Variants in DLGAP4 observed in about 807,000 individuals in gnomAD.
DLGAP4 encodes the protein disks large-associated protein 4.
A neutral mutation model predicts 86.9 loss-of-function variants in DLGAP4; 18 were observed. That is an observed-to-expected ratio of 0.21 (90% confidence interval 0.14 to 0.31). DLGAP4 has a LOEUF of 0.31. Ranked by LOEUF, DLGAP4 falls within the 10% of genes least tolerant of loss-of-function variation. DLGAP4 has a pLI of 1.00. For synonymous variants in DLGAP4, 548 were observed against 574.3 expected (o/e 0.95, Z 0.65); for missense variants, 1,085 against 1,362.6 (o/e 0.80, Z 3.21).
intron 1 of DLGAP4, among the ~76,000 whole-genome samples, chr20:36,311,195 C>T (rs2065049832): frequency 6.8e-6 from 1 of 146,762 alleles, no homozygotes; most frequent in Admixed American, 6.7e-5. Context: ...AACTGAGGCT[C>T]AGAGTGGTTG....
At chr20:36,450,843 C>A (rs2033718696) in intron 7 of DLGAP4, among the ~76,000 whole-genome samples, 1 of 152,182 alleles carries the variant, frequency 6.6e-6, no homozygotes, top group Non-Finnish European at 1.5e-5. Context: ...TGATCCATGG[C>A]AATTCTGAAG....
At chr20:36,415,269 G>C (rs1023277738) in intron 2 of DLGAP4, among the ~76,000 whole-genome samples, 1 of 151,702 alleles carries the variant, frequency 6.6e-6, no homozygotes, top group Admixed American at 6.6e-5. Context: ...TGTCTCAAAA[G>C]AAAACAAAAC....
Position 36,405,781 on chromosome 20 carries a change from A to G in DLGAP4, c.-72-25865A>G, listed in dbSNP as rs143488474. Among the ~76,000 whole-genome samples the G allele has an allele frequency of 1.5e-3, 235 of 152,172 alleles. 2 individuals are homozygous for G. The highest frequency in any genetic ancestry group is 5.3e-3 in the African/African-American group (218 of 41,512). On this transcript the variant is annotated intron_variant, in intron 2 of 12. Transcript: ENST00000339266. ...GAGAGGGTGGAGTGAGGGCACCCCAATGGTGACACACCCATGTTAGGACAT... is the reference window on the plus strand; with the variant it reads ...GAGAGGGTGGAGTGAGGGCACCCCAGTGGTGACACACCCATGTTAGGACAT...
intron 1 of DLGAP4, among the ~76,000 whole-genome samples, chr20:36,331,886 G>T (rs1363038710): frequency 6.6e-6 from 1 of 152,174 alleles, no homozygotes; most frequent in Non-Finnish European, 1.5e-5. Flanking sequence ...AGTCTTTTGA[G>T]GATCTGGGAT....
At chr20:36,408,737 A>G (rs2032398283) in intron 2 of DLGAP4, among the ~76,000 whole-genome samples, 1 of 152,250 alleles carries the variant, frequency 6.6e-6, no homozygotes, top group Non-Finnish European at 1.5e-5. Context: ...GCAGCTTATT[A>G]TATTTTAAAA....
rs1480434345 is a variant in DLGAP4, at chr20:36,525,236, AAAAAAAAAAAAAAAAAAACAAAG to A, written c.2605-611_2605-589del. 4.8e-3 allele frequency among the ~76,000 whole-genome samples: 635 copies of A among 132,294 alleles called. 5 individuals are homozygous for A. Among genetic ancestry groups the A allele is most frequent in the Non-Finnish European group, 7.3e-3 (457 of 62,858 alleles). 86.8% of individuals were successfully genotyped at this position (132,294 alleles called of 152,430 possible). A position where few individuals can be genotyped will look rare whatever the true frequency, so the allele number is the denominator to read the frequency against. On this transcript the variant is annotated intron_variant, in intron 11 of 12. Transcript: ENST00000339266. ...CGTCTCAAAAAAAAAAAAAAAAAAA[AAAAAAAAAAAAAAAAAAACAAAG>A]AAATCCCACTGCTGGGATTGGTGGC...
intron 7 of DLGAP4, among the ~76,000 whole-genome samples, chr20:36,474,894 C>T (rs965480577): frequency 1.3e-5 from 2 of 152,202 alleles, no homozygotes; most frequent in Admixed American, 1.3e-4. Context: ...TGACTTCCCT[C>T]CAGCTTGGAG....
intron 10 of DLGAP4, among the ~76,000 whole-genome samples, chr20:36,521,252 C>T (rs151260406): frequency 6.6e-6 from 1 of 152,214 alleles, no homozygotes; most frequent in African/African-American, 2.4e-5. Context: ...TGAGCCTCCA[C>T]GTTCATAACC....
rs754089022 is a variant in DLGAP4 at position 36,454,581 on chromosome 20, C to A, written c.1648+7644C>A. On this transcript the variant is annotated intron_variant, in intron 7 of 12. Coordinates refer to ENST00000339266, the MANE Select transcript of DLGAP4 (RefSeq NM_001365621.2). ...CAGCCACTGTCTCCCTACTGGGTCA[C>A]CCCTGCTCAGAAGGCTGCCCCCTTA... Among the ~76,000 whole-genome samples, 27 of 152,152 alleles carry A rather than the reference C, an allele frequency of 1.8e-4. 1 individual carries two copies. Among genetic ancestry groups the A allele is most frequent in the Non-Finnish European group, 3.8e-4 (26 of 68,028 alleles).
chr20:36,454,016 A>C (rs1405302521), intron 7 of DLGAP4, among the ~76,000 whole-genome samples: 1 of 151,478 alleles, frequency 6.6e-6, no homozygotes, highest in East Asian at 1.9e-4. Context: ...CACGCCTGTA[A>C]TCCCAGCATT....
chr20:36,369,689 G>C (rs765747066), intron 2 of DLGAP4, among the ~76,000 whole-genome samples: 22 of 152,232 alleles, frequency 1.4e-4, no homozygotes, highest in Non-Finnish European at 2.5e-4. Context: ...TGAGGGGCCA[G>C]CAGTGACCTG....
At chr20:36,342,283 A>C (rs782281842) in intron 1 of DLGAP4, among the ~76,000 whole-genome samples, 1 of 152,230 alleles carries the variant, frequency 6.6e-6, no homozygotes, top group African/African-American at 2.4e-5. Flanking sequence ...TCCCACTGCA[A>C]GAACCTGGAA....
At chr20:36,525,215 T>TAAAAAAAAAAA (rs1241486978) in intron 11 of DLGAP4, among the ~76,000 whole-genome samples, 1 of 27,464 alleles carries the variant, frequency 3.6e-5, no homozygotes. Flanking sequence ...AGACTCCGTC[T>TAAAAAAAAAAA]CAAAAAAAAA....
chr20:36,373,863 C>A (rs1480395320), intron 2 of DLGAP4, among the ~76,000 whole-genome samples: 1 of 151,868 alleles, frequency 6.6e-6, no homozygotes, highest in Non-Finnish European at 1.5e-5. Context: ...ATGGGGAAAC[C>A]CTGTCTCTAC....
intron 2 of DLGAP4, among the ~76,000 whole-genome samples, chr20:36,373,905 CCA>C (rs2031042724): frequency 6.6e-6 from 1 of 151,912 alleles, no homozygotes; most frequent in Non-Finnish European, 1.5e-5. Context: ...AGTGTGGTGG[CCA>C]GCGCCTGTAA....
At chr20:36,525,254 A>AAAAAAAAAAAAAAAAAAAC (rs1569527332) in intron 11 of DLGAP4, among the ~76,000 whole-genome samples, 3 of 62,464 alleles carry the variant, frequency 4.8e-5, no homozygotes, top group African/African-American at 1.1e-4. Context: ...AAAAAAAAAA[A>AAAAAAAAAAAAAAAAAAAC]CAAAGAAATC....
chr20:36,453,276 T>TGTA (rs1284910791), intron 7 of DLGAP4, among the ~76,000 whole-genome samples: 2 of 152,208 alleles, frequency 1.3e-5, no homozygotes, highest in Non-Finnish European at 2.9e-5. Flanking sequence ...AGCAACATAG[T>TGTA]GAGACTCCAT....
chr20:36,387,215 T>C (rs1300208340), intron 2 of DLGAP4, among the ~76,000 whole-genome samples: 1 of 152,190 alleles, frequency 6.6e-6, no homozygotes, highest in Admixed American at 6.5e-5. Context: ...ATTTTGCCAA[T>C]CTGCTGGGAG....
chr20:36,480,423 A>G (rs982949505), intron 7 of DLGAP4, among the ~76,000 whole-genome samples: 2 of 152,202 alleles, frequency 1.3e-5, no homozygotes, highest in African/African-American at 2.4e-5. Context: ...GTAGGGGGGT[A>G]AAAAAGACCA....
Sources: gnomAD v4.1 joint callset for allele counts (sites outside exome capture counted in the v4.1 genomes callset) on GRCh38, gnomAD v4.1.1 for gene constraint, MANE v1.5 for transcripts, NCBI Gene and HGNC (gene_info 2026-07-23, HGNC 2026-07-21) for gene names.